PIKFYVE: variants seen among roughly 807,000 people sequenced by gnomAD.
The protein encoded by PIKFYVE is 1-phosphatidylinositol 3-phosphate 5-kinase.
A neutral mutation model predicts 257.9 loss-of-function variants in PIKFYVE; 122 were observed. The observed-to-expected ratio is 0.47, with a 90% confidence interval of 0.41 to 0.55. The LOEUF (loss-of-function observed/expected upper bound fraction) is 0.55, where lower values mean the gene tolerates loss of function less well. PIKFYVE is among the 20% of genes least tolerant of loss of function. The pLI, the probability that PIKFYVE is intolerant of heterozygous loss-of-function variation, is 0.00. For synonymous variants in PIKFYVE, 892 were observed against 868.9 expected, an observed-to-expected ratio of 1.03 and a Z score of -0.47; for missense variants, 2,160 against 2,536.6, an observed-to-expected ratio of 0.85 and a Z score of 3.19.
At position 208,347,983 on chromosome 2, in the gene PIKFYVE, G is replaced by A. The variant is rs2304545; in HGVS notation, c.5334G>A (p.Thr1778=). The change falls in exon 35 of 42, where the codon ACG becomes ACA. Residue 1778 remains threonine, a synonymous_variant. Coordinates refer to ENST00000264380, the MANE Select transcript of PIKFYVE (RefSeq NM_015040.4). ...GTGCTTACTACCAGGTTGGGCAGAC[G>A]GGCAAGGAGGGGACCGAGAATCAAG... ...ADSAYYQVGQ[T]GKEGTENQGV... 1,324,774 of 1,613,796 alleles carry A rather than the reference G, an allele frequency of 0.82. 552,779 individuals carry two copies. Among genetic ancestry groups the A allele is most frequent in the East Asian group, 0.91 (41,054 of 44,876 alleles).
intron 5 of PIKFYVE, among the ~76,000 whole-genome samples, chr2:208,278,978 T>C (rs746759357): frequency 6.6e-6 from 1 of 152,200 alleles, no homozygotes; most frequent in Admixed American, 6.5e-5. Flanking sequence ...TTGAGAAATC[T>C]TCAAACCGTC....
chr2:208,294,011 T>G (rs1198886689), intron 7 of PIKFYVE, among the ~76,000 whole-genome samples: 1 of 152,198 alleles, frequency 6.6e-6, no homozygotes, highest in African/African-American at 2.4e-5. Flanking sequence ...ATATTGCTTG[T>G]GTTCCTTTCT....
chr2:208,341,095 C>G (rs916315736), intron 31 of PIKFYVE, among the ~76,000 whole-genome samples: 3 of 151,940 alleles, frequency 2.0e-5, no homozygotes, highest in Non-Finnish European at 4.4e-5. Context: ...GCAACCTCTG[C>G]CTCCTAGATT....
chr2:208,330,062 A>C (rs1697346762), intron 22 of PIKFYVE, 149 bp downstream of exon 22: 1 of 1,173,392 alleles, frequency 8.5e-7, no homozygotes, highest in East Asian at 2.6e-5. Flanking sequence ...TCAAAGAAGT[A>C]ATAATCTATT....
At chr2:208,298,572 T>G in intron 7 of PIKFYVE, 69 bp from the exon 8 acceptor site, 1 of 1,558,400 alleles carries the variant, frequency 6.4e-7, no homozygotes, top group East Asian at 2.3e-5. Context: ...AAAAATGAAT[T>G]TTCTCTGTAA....
chr2:208,276,396 T>C (rs1240225379), intron 3 of PIKFYVE, among the ~76,000 whole-genome samples: 1 of 152,214 alleles, frequency 6.6e-6, no homozygotes, highest in Non-Finnish European at 1.5e-5. Context: ...ACCAAAGGGC[T>C]TAAGGAGTCA....
At chr2:208,321,426 A>G (rs1696190146) in intron 17 of PIKFYVE, among the ~76,000 whole-genome samples, 1 of 152,142 alleles carries the variant, frequency 6.6e-6, no homozygotes, top group African/African-American at 2.4e-5. Flanking sequence ...CTCTGCTGTT[A>G]TTACTTAAGA....
At chr2:208,351,787 G>A (rs1046026760) in intron 38 of PIKFYVE, among the ~76,000 whole-genome samples, 7 of 152,154 alleles carry the variant, frequency 4.6e-5, no homozygotes, top group Admixed American at 2.0e-4. Context: ...CAGATCTTGC[G>A]TGAACTCAGA....
At chr2:208,271,767 C>T (rs1454686217) in intron 2 of PIKFYVE, 76 bp downstream of exon 2, 1 of 1,403,304 alleles carries the variant, frequency 7.1e-7, no homozygotes, top group Non-Finnish European at 1.0e-6. Flanking sequence ...AGTGGCTCAC[C>T]ATGATCATAT....
intron 12 of PIKFYVE, among the ~76,000 whole-genome samples, chr2:208,307,176 C>T (rs1331597254): frequency 6.6e-6 from 1 of 152,160 alleles, no homozygotes; most frequent in African/African-American, 2.4e-5. Context: ...AGAAAAATGA[C>T]AGTCTAATGG....
rs1427373086 is a variant in PIKFYVE at position 208,335,853 on chromosome 2, T to C, written c.4317T>C (p.Phe1439=). The change falls in exon 26 of 42, where the codon TTT becomes TTC. Residue 1439 remains phenylalanine (F), a synonymous_variant. Transcript: ENST00000264380. ...ERLASLKTDT[F]SKTREEKMED... Reference sequence around the variant, plus strand: ...TTGCATCTTTGAAAACTGATACATTTAGTAAAACAAGAGAGGAAAAAATGG... The same window carrying C: ...TTGCATCTTTGAAAACTGATACATTCAGTAAAACAAGAGAGGAAAAAATGG... The C allele has an allele frequency of 2.5e-6, 4 of 1,613,038 alleles. No individual in the cohort carries two copies. The highest frequency in any genetic ancestry group is 1.3e-5 in the African/African-American group (1 of 74,924).
rs576438766 is a variant in PIKFYVE, at chr2:208,270,096, T to G, written c.-9-1415T>G. ...TTTGCTCTTATTGCCCAGGCTGGAG[T>G]GCAGTGGCGTGATCGGCTCGCTGTA... On this transcript the variant is annotated intron_variant, in intron 1 of 41. Transcript: ENST00000264380. 399 of 148,068 alleles carry G rather than the reference T, an allele frequency of 2.7e-3. 1 individual carries two copies. Among genetic ancestry groups the G allele is most frequent in the Non-Finnish European group, 4.4e-3 (301 of 68,492 alleles). The allele number at this position is 148,068 out of a possible 1,614,324, so 9.2% of individuals were successfully genotyped here.
At chr2:208,320,041 T>G (rs2125521956) in intron 16 of PIKFYVE, among the ~76,000 whole-genome samples, 1 of 152,228 alleles carries the variant, frequency 6.6e-6, no homozygotes, top group East Asian at 1.9e-4. Flanking sequence ...AGAAAAGCCA[T>G]TTTTTGAAGA....
At position 208,304,290 on chromosome 2, in the gene PIKFYVE, A is replaced by G; in HGVS notation, c.1440A>G (p.Ile480Met). Residue 480 changes from isoleucine (I) to methionine (M), a missense_variant, in exon 11 of 42, where the codon ATA becomes ATG. This residue lies in a region of PIKFYVE where 15 missense variants were observed against 39.1 expected (regional missense o/e 0.38). Transcript: ENST00000264380. ...TTGATGACAGTGACACAGAACAGAT[A>G]GCTGAAGAAGGTGACGATAATTTGG... ...IKFDDSDTEQIAEEGDDNLAN... is the reference protein window; with the variant it reads ...IKFDDSDTEQMAEEGDDNLAN... 1 of 1,614,220 alleles carries G rather than the reference A, an allele frequency of 6.2e-7. No homozygotes were observed. Among genetic ancestry groups the G allele is most frequent in the Non-Finnish European group, 8.5e-7 (1 of 1,180,012 alleles).
At chr2:208,312,342 T>C in intron 13 of PIKFYVE, 47 bp downstream of exon 13, 2 of 1,443,538 alleles carry the variant, frequency 1.4e-6, no homozygotes, top group Non-Finnish European at 1.9e-6. Context: ...CTTTTTTTCA[T>C]GAGGATATAC....
chr2:208,333,262 G>T, intron 23 of PIKFYVE, 53 bp from the exon 24 acceptor site: 19 of 1,525,084 alleles, frequency 1.2e-5, no homozygotes, highest in Admixed American at 5.6e-5. Flanking sequence ...GTTATTTTTT[G>T]AAAAAGAGAT....
intron 32 of PIKFYVE, among the ~76,000 whole-genome samples, chr2:208,344,064 C>T (rs7355779): frequency 8.5e-4 from 130 of 152,094 alleles, no homozygotes; most frequent in African/African-American, 3.1e-3. Flanking sequence ...GTGATCCACC[C>T]GCCTCGGCCT....
intron 17 of PIKFYVE, among the ~76,000 whole-genome samples, chr2:208,323,374 C>T (rs1696532359): frequency 7.0e-6 from 1 of 143,366 alleles, no homozygotes; most frequent in African/African-American, 2.6e-5. Flanking sequence ...GGTTTTTTGT[C>T]CTTGCGATAG....
At chr2:208,272,066 C>G (rs925118517) in intron 2 of PIKFYVE, among the ~76,000 whole-genome samples, 1 of 151,968 alleles carries the variant, frequency 6.6e-6, no homozygotes, top group African/African-American at 2.4e-5. Context: ...AATCCCGTCT[C>G]TACTAAAAAT....
Sources: gnomAD v4.1 joint callset for allele counts (sites outside exome capture counted in the v4.1 genomes callset) on GRCh38, gnomAD v4.1.1 for gene constraint, gnomAD v4.1.1 regional missense constraint, MANE v1.5 for transcripts, NCBI Gene and HGNC (gene_info 2026-07-23, HGNC 2026-07-21) for gene names.